SLIT2: variants seen among roughly 807,000 people sequenced by gnomAD.
SLIT2 encodes the protein slit homolog 2 protein.
SLIT2 carries 41 observed loss-of-function variants against 185.7 expected under a neutral mutation model. The observed-to-expected ratio is 0.22, with a 90% CI of 0.17 to 0.29. The LOEUF (loss-of-function observed/expected upper bound fraction) is 0.29, where lower values mean the gene tolerates loss of function less well. Ranked by LOEUF, SLIT2 falls within the 10% of genes least tolerant of loss-of-function variation. The pLI, the probability that SLIT2 is intolerant of heterozygous loss-of-function variation, is 1.00. For missense variants in SLIT2, 1,571 were observed against 1,909.0 expected (o/e 0.82, Z 3.30); for synonymous variants, 693 against 680.2 (o/e 1.02, Z -0.29).
chr4:20,523,665 A>G (rs1214121780), intron 12 of SLIT2, 95 bp from the exon 13 acceptor site: 3 of 967,656 alleles, frequency 3.1e-6, no homozygotes, highest in Non-Finnish European at 1.6e-6. Flanking sequence ...GAAAAGAAAT[A>G]TATTTCTTGA....
chr4:20,446,408 C>G (rs558093616), intron 4 of SLIT2, among the ~76,000 whole-genome samples: 3 of 152,040 alleles, frequency 2.0e-5, no homozygotes, highest in Non-Finnish European at 4.4e-5. Context: ...ACTTTTTAAA[C>G]GACAGATGAT....
intron 29 of SLIT2, among the ~76,000 whole-genome samples, chr4:20,578,748 C>A (rs954186113): frequency 2.6e-5 from 4 of 152,060 alleles, no homozygotes; most frequent in Non-Finnish European, 4.4e-5. Context: ...TGTAGACATG[C>A]CCAATTTGAA....
At chr4:20,519,856 C>A (rs1720660527) in intron 12 of SLIT2, among the ~76,000 whole-genome samples, 1 of 151,530 alleles carries the variant, frequency 6.6e-6, no homozygotes, top group Admixed American at 6.6e-5. Context: ...CACGGTGAAA[C>A]CCCATCTCTA....
chr4:20,612,544 C>T (rs1170344496), intron 34 of SLIT2, among the ~76,000 whole-genome samples: 5 of 152,054 alleles, frequency 3.3e-5, no homozygotes, highest in African/African-American at 1.2e-4. Context: ...CCTGTAAGAC[C>T]ACAGCCTTGA....
At position 20,290,868 on chromosome 4, in the gene SLIT2, T is replaced by C. The variant is rs1465493217; in HGVS notation, c.395+21987T>C. 2.0e-5 allele frequency among the ~76,000 whole-genome samples: 3 copies of C among 151,330 alleles called. No individual in the cohort carries two copies. In the Admixed American group the frequency reaches 2.0e-4, roughly 10 times the overall value. On this transcript the variant is annotated intron_variant, in intron 4 of 36. Coordinates refer to ENST00000504154, the MANE Select transcript of SLIT2 (RefSeq NM_004787.4). The stretch of plus-strand genomic sequence containing the variant: ...TCGTAATAACCTATATATCAGAAAA[T>C]CATAAAGTCTGCAGGGACAGCTTCT...
intron 34 of SLIT2, among the ~76,000 whole-genome samples, chr4:20,612,245 G>GAAAAAAA (rs139866324): frequency 5.3e-5 from 3 of 56,216 alleles, no homozygotes; most frequent in African/African-American, 7.8e-5. Flanking sequence ...ACTATCTCAA[G>GAAAAAAA]AAAAAAAAAA....
intron 33 of SLIT2, among the ~76,000 whole-genome samples, chr4:20,598,743 G>A (rs1167190200): frequency 6.6e-6 from 1 of 152,136 alleles, no homozygotes; most frequent in Admixed American, 6.6e-5. Flanking sequence ...TTGTAGAGAG[G>A]CTTGCCTGCC....
At chr4:20,316,252 A>G (rs1718569970) in intron 4 of SLIT2, among the ~76,000 whole-genome samples, 1 of 152,064 alleles carries the variant, frequency 6.6e-6, no homozygotes, top group African/African-American at 2.4e-5. Flanking sequence ...ATTCTTTGGC[A>G]CTTAATTTTT....
At chr4:20,580,235 A>AT (rs1156980366) in intron 29 of SLIT2, among the ~76,000 whole-genome samples, 3 of 150,648 alleles carry the variant, frequency 2.0e-5, no homozygotes, top group Admixed American at 6.7e-5. Context: ...TATTTTTTGT[A>AT]TTTTCAGTAG....
At position 20,528,211 on chromosome 4, in the gene SLIT2, T is replaced by C. The variant is rs893277706; in HGVS notation, c.1463-738T>C. On this transcript the variant is annotated intron_variant, in intron 15 of 36. Transcript: ENST00000504154. This position sits in a 1 kb window ranked among gnomAD's most constrained non-coding sequence, Gnocchi z 4.2. The stretch of plus-strand genomic sequence containing the variant: ...CAGTATTACGTTTCCAGAACGTCTG[T>C]AGCTTTTCTCCTCCTTCCCTCCATT... 1.9e-6 allele frequency: 1 copy of C among 531,480 alleles called. No homozygotes were observed. Among genetic ancestry groups the C allele is most frequent in the East Asian group, 5.4e-5 (1 of 18,364 alleles). 32.9% of individuals were successfully genotyped at this position (531,480 alleles called of 1,614,324 possible).
chr4:20,454,710 T>C (rs192787710), intron 4 of SLIT2, among the ~76,000 whole-genome samples: 3 of 152,302 alleles, frequency 2.0e-5, no homozygotes, highest in Admixed American at 6.5e-5. Context: ...CACTTTCACA[T>C]AAAGTGAATC....
intron 4 of SLIT2, among the ~76,000 whole-genome samples, chr4:20,367,524 A>C (rs1322821471): frequency 2.6e-5 from 4 of 152,168 alleles, no homozygotes; most frequent in Non-Finnish European, 5.9e-5. Context: ...TATATTTTTA[A>C]GTCTCCCAGA....
chr4:20,520,798 CTT>C (rs1720775866), intron 12 of SLIT2, among the ~76,000 whole-genome samples: 1 of 152,158 alleles, frequency 6.6e-6, no homozygotes, highest in African/African-American at 2.4e-5. Context: ...CCAATTCTCT[CTT>C]TATTTTCTCA....
chr4:20,257,242 G>A (rs547016666), intron 2 of SLIT2, among the ~76,000 whole-genome samples: 27 of 152,040 alleles, frequency 1.8e-4, no homozygotes, highest in African/African-American at 5.8e-4. Context: ...TTTATATTTT[G>A]TGTCTTTGTA....
At chr4:20,576,150 A>C (rs10025917) in intron 29 of SLIT2, among the ~76,000 whole-genome samples, 4,745 of 152,312 alleles carry the variant, frequency 0.031, 252 homozygotes, top group African/African-American at 0.1. Flanking sequence ...AATTCCAGCC[A>C]TCATCACTAC....
At chr4:20,525,255 G>T (rs374507055) in intron 15 of SLIT2, 83 bp downstream of exon 15, 1 of 986,936 alleles carries the variant, frequency 1.0e-6, no homozygotes. Context: ...TGATATGCAT[G>T]CTTCTGAAAG....
At chr4:20,443,582 T>TAAAAAAAAAA (rs71653885) in intron 4 of SLIT2, among the ~76,000 whole-genome samples, 1 of 63,054 alleles carries the variant, frequency 1.6e-5, no homozygotes. Flanking sequence ...GGAGAAAATC[T>TAAAAAAAAAA]AAAAAAAAAA....
chr4:20,282,938 G>T (rs1003550873), intron 4 of SLIT2, among the ~76,000 whole-genome samples: 1 of 152,184 alleles, frequency 6.6e-6, no homozygotes, highest in Non-Finnish European at 1.5e-5. Flanking sequence ...TTTTAATAGT[G>T]CATTGGCTTA....
At chr4:20,536,579 A>C (rs1289564587) in intron 18 of SLIT2, among the ~76,000 whole-genome samples, 1 of 139,616 alleles carries the variant, frequency 7.2e-6, no homozygotes, top group Non-Finnish European at 1.6e-5. Context: ...AAAAAAAAAA[A>C]CAAAAACCAC....
Sources: allele counts gnomAD v4.1 joint callset (sites outside exome capture counted in the v4.1 genomes callset), GRCh38; gene constraint gnomAD v4.1.1; non-coding constraint Gnocchi (gnomAD v3.1); transcripts MANE v1.5; gene names NCBI Gene and HGNC (gene_info 2026-07-23, HGNC 2026-07-21).